HK1: variants seen among roughly 807,000 people sequenced by gnomAD.
The protein encoded by HK1 is hexokinase 1.
A neutral mutation model predicts 91.6 loss-of-function variants in HK1; 28 were observed. The observed-to-expected ratio is 0.31, with a 90% confidence interval of 0.23 to 0.42. The LOEUF is 0.42. Ranked by LOEUF, HK1 falls within the 10% of genes least tolerant of loss-of-function variation. The pLI, the probability that HK1 is intolerant of heterozygous loss-of-function variation, is 1.00. For synonymous variants in HK1, 430 were observed against 468.1 expected (o/e 0.92, Z 1.05); for missense variants, 770 against 1,219.8 (o/e 0.63, Z 5.49).
At chr10:69,339,240 T>G (rs1355874673) in intron 1 of HK1, among the ~76,000 whole-genome samples, 1 of 152,232 alleles carries the variant, frequency 6.6e-6, no homozygotes, top group East Asian at 1.9e-4. Flanking sequence ...ACCAGGTGCC[T>G]GCCTGGCTGG....
At position 69,380,172 on chromosome 10, in the gene HK1, T is replaced by A; in HGVS notation, c.1265+77T>A. ...ACCTTCTCCAGAGATCAGACTTTTG[T>A]ACCCGGTAAACGTTTTTCGGCAGAC... On this transcript the variant is annotated intron_variant, in intron 9 of 17. Coordinates refer to ENST00000359426, the MANE Select transcript of HK1 (RefSeq NM_000188.3). This position sits in a 1 kb window ranked among gnomAD's most constrained non-coding sequence, Gnocchi z 4.0. The A allele has an allele frequency of 8.2e-7, 1 of 1,215,500 alleles. No homozygotes were observed. Among genetic ancestry groups the A allele is most frequent in the Admixed American group, 1.8e-5 (1 of 55,352 alleles). 75.3% of individuals were successfully genotyped at this position (1,215,500 alleles called of 1,614,324 possible).
intron 9 of HK1, 93 bp from the exon 10 acceptor site, chr10:69,382,394 A>G: frequency 6.8e-6 from 9 of 1,326,200 alleles, no homozygotes; most frequent in South Asian, 2.4e-5. Context: ...GAAAAGAAAA[A>G]AGAGTTAAAG....
intron 10 of HK1, among the ~76,000 whole-genome samples, chr10:69,383,697 T>C (rs1839501571): frequency 6.6e-6 from 1 of 152,274 alleles, no homozygotes; most frequent in Non-Finnish European, 1.5e-5. Context: ...CTTCCCCACA[T>C]GTCCAGCAGT....
chr10:69,388,513 T>C (rs1220253823), intron 13 of HK1, among the ~76,000 whole-genome samples: 1 of 151,724 alleles, frequency 6.6e-6, no homozygotes, highest in East Asian at 1.9e-4. Flanking sequence ...TTAATTCTTC[T>C]AGCTTGCTTT....
At chr10:69,338,675 ATGTGAGTGTGTG>A (rs774929470) in intron 1 of HK1, 48 of 1,207,420 alleles carry the variant, frequency 4.0e-5, no homozygotes, top group Admixed American at 1.2e-4. Flanking sequence ...GATTATGGAG[ATGTGAGTGTGTG>A]TGTGTGTGTG....
At chr10:69,284,796 G>A (rs1277612351) in intron 2 of HK1, among the ~76,000 whole-genome samples, 1 of 151,926 alleles carries the variant, frequency 6.6e-6, no homozygotes, top group Non-Finnish European at 1.5e-5. Flanking sequence ...TCACCACCAC[G>A]CTCAGTAATT....
chr10:69,337,373 T>C (rs1231472680), intron 1 of HK1, among the ~76,000 whole-genome samples: 1 of 152,204 alleles, frequency 6.6e-6, no homozygotes, highest in African/African-American at 2.4e-5. Flanking sequence ...TCCTGCCTAC[T>C]TCACTGGGCT....
At chr10:69,324,011 C>G (rs989569449) in intron 1 of HK1, among the ~76,000 whole-genome samples, 1 of 152,146 alleles carries the variant, frequency 6.6e-6, no homozygotes. Flanking sequence ...CAGTTGTGGT[C>G]AGACTGCTGG....
chr10:69,292,070 TTTTTAA>T (rs1476318937), intron 3 of HK1, among the ~76,000 whole-genome samples: 2 of 152,144 alleles, frequency 1.3e-5, no homozygotes, highest in East Asian at 3.9e-4. Context: ...ACCATAATTT[TTTTTAA>T]TTTTATTTTT....
rs9664217 is a variant in HK1 at position 69,344,055 on chromosome 10, T to A, written c.226+66T>A. On this transcript the variant is annotated intron_variant, in intron 2 of 17. Coordinates refer to ENST00000359426, the MANE Select transcript of HK1 (RefSeq NM_000188.3). ...GTTCTGTGAAATCTTCCTTCTAACT[T>A]CATTTGTTCATACATTTGCTCATTC... The A allele has an allele frequency of 8.3e-3, 12,361 of 1,498,236 alleles. 821 individuals are homozygous for A. The African/African-American group carries it at 0.15, about 18-fold the overall frequency. 92.8% of individuals were successfully genotyped at this position (1,498,236 alleles called of 1,614,324 possible).
At chr10:69,275,585 A>G (rs1404407007) in intron 1 of HK1, among the ~76,000 whole-genome samples, 1 of 152,188 alleles carries the variant, frequency 6.6e-6, no homozygotes, top group Non-Finnish European at 1.5e-5. Context: ...TTGTAACAAA[A>G]AAGGAGCCAT....
At chr10:69,288,732 G>A in exon 3 of HK1, 1 of 1,613,600 alleles carries the variant, frequency 6.2e-7, no homozygotes, top group South Asian at 1.1e-5. Flanking sequence ...GTCAGCAAGT[G>A]CCCTCCCCAC....
chr10:69,273,486 G>T (rs949310343), intron 1 of HK1, among the ~76,000 whole-genome samples: 14 of 152,200 alleles, frequency 9.2e-5, no homozygotes, highest in Non-Finnish European at 1.9e-4. Flanking sequence ...AAAGTGCTAG[G>T]ATTACAGGCA....
intron 3 of HK1, among the ~76,000 whole-genome samples, chr10:69,292,589 C>G (rs1450669145): frequency 2.6e-5 from 4 of 152,170 alleles, no homozygotes; most frequent in African/African-American, 9.7e-5. Context: ...TTCTCACCCA[C>G]TAATAGTGGG....
intron 8 of HK1, 30 bp downstream of exon 8, chr10:69,377,119 G>T (rs749417341): frequency 6.2e-7 from 1 of 1,613,590 alleles, no homozygotes; most frequent in South Asian, 1.1e-5. Flanking sequence ...GGCTTTCTTG[G>T]GGTGTTGGGG....
rs1193368260 is a variant in HK1 at position 69,380,556 on chromosome 10, G to T, written c.1265+461G>T. Among the ~76,000 whole-genome samples, 1 of 152,156 alleles carries T rather than the reference G, an allele frequency of 6.6e-6. No individual in the cohort carries two copies. The highest frequency in any genetic ancestry group is 1.5e-5 in the Non-Finnish European group (1 of 68,030). ...AGGAGGACCTTGGGTCATAGGTGTG[G>T]TACCCACATTCTTGTTTCAGAAGCT... On this transcript the variant is annotated intron_variant, in intron 9 of 17. Transcript: ENST00000359426. The surrounding 1 kb of genome is among the most constrained non-coding windows in gnomAD (Gnocchi z 4.0).
intron 17 of HK1, 52 bp downstream of exon 17, chr10:69,398,880 GT>G: frequency 7.1e-7 from 1 of 1,410,160 alleles, no homozygotes; most frequent in Non-Finnish European, 1.0e-6. Context: ...ATCCCTTTGG[GT>G]TAGGGGGTAT....
intron 2 of HK1, among the ~76,000 whole-genome samples, chr10:69,353,700 G>T (rs1321186962): frequency 6.6e-6 from 1 of 151,938 alleles, no homozygotes; most frequent in African/African-American, 2.4e-5. Context: ...ACACATGGAG[G>T]TTCCTGGGTG....
At chr10:69,276,114 A>ATATATATATAT (rs1564746767) in intron 1 of HK1, among the ~76,000 whole-genome samples, 2 of 40,582 alleles carry the variant, frequency 4.9e-5, no homozygotes, top group African/African-American at 1.8e-4. Context: ...AAAAAAAAAA[A>ATATATATATAT]AAAAATACAT....
Sources: gnomAD v4.1 joint callset for allele counts (sites outside exome capture counted in the v4.1 genomes callset) on GRCh38, gnomAD v4.1.1 for gene constraint, Gnocchi (gnomAD v3.1) non-coding constraint, MANE v1.5 for transcripts, NCBI Gene and HGNC (gene_info 2026-07-23, HGNC 2026-07-21) for gene names.